LRFN2: variants seen among roughly 807,000 people sequenced by gnomAD.
LRFN2 encodes leucine rich repeat and fibronectin type III domain containing 2.
A neutral mutation model predicts 37.3 loss-of-function variants in LRFN2; 18 were observed. That is an observed-to-expected ratio of 0.48 (90% CI 0.33 to 0.72). The LOEUF (loss-of-function observed/expected upper bound fraction) is 0.72, where lower values mean the gene tolerates loss of function less well. LRFN2 is among the 30% of genes least tolerant of loss of function. The probability of loss-of-function intolerance (pLI) is 0.02; values close to 1 mark genes in which losing one functional copy is unlikely to be tolerated. For synonymous variants in LRFN2, 556 were observed against 466.6 expected, an observed-to-expected ratio of 1.19 and a Z score of -2.47; for missense variants, 1,006 against 1,060.7, an observed-to-expected ratio of 0.95 and a Z score of 0.72.
chr6:40,464,074 G>A (rs937534962), intron 1 of LRFN2, among the ~76,000 whole-genome samples: 3 of 152,114 alleles, frequency 2.0e-5, no homozygotes, highest in African/African-American at 7.2e-5. Flanking sequence ...CCCCATTCTA[G>A]ACTGTGTTCC....
At chr6:40,580,171 C>T (rs1767371203) in intron 1 of LRFN2, among the ~76,000 whole-genome samples, 1 of 152,166 alleles carries the variant, frequency 6.6e-6, no homozygotes, top group Non-Finnish European at 1.5e-5. Context: ...AGAGGCAGTC[C>T]ACCCTTCTCC....
intron 1 of LRFN2, among the ~76,000 whole-genome samples, chr6:40,486,513 G>A (rs183564534): frequency 9.7e-4 from 147 of 152,284 alleles, no homozygotes; most frequent in African/African-American, 3.5e-3. Context: ...GATGGCAGGA[G>A]GGCATCTCAG....
intron 1 of LRFN2, among the ~76,000 whole-genome samples, chr6:40,479,464 C>T (rs1288699621): frequency 6.6e-6 from 1 of 152,142 alleles, no homozygotes; most frequent in Non-Finnish European, 1.5e-5. Flanking sequence ...GTTTCCTTAT[C>T]AGTAAAATGG....
intron 2 of LRFN2, among the ~76,000 whole-genome samples, chr6:40,424,446 C>T (rs1379290572): frequency 6.6e-6 from 1 of 152,186 alleles, no homozygotes; most frequent in East Asian, 1.9e-4. Context: ...TAGAAGACTA[C>T]ATTTCTTAGT....
chr6:40,520,209 C>T lies in LRFN2; in HGVS notation c.-19+66732G>A, dbSNP rs566135591. Among the ~76,000 whole-genome samples the T allele has an allele frequency of 1.1e-4, 16 of 152,198 alleles. No homozygotes were observed. The South Asian group carries it at 2.7e-3, about 26-fold the overall frequency. ...CAACCATGAGAACTGTAGCAGGAAACAGGAAGCCCAGCCCGAGAGGAGATG... is the reference window on the plus strand; with the variant it reads ...CAACCATGAGAACTGTAGCAGGAAATAGGAAGCCCAGCCCGAGAGGAGATG... On this transcript the variant is annotated intron_variant, in intron 1 of 2. Transcript: ENST00000338305.
rs185599064 is a variant in LRFN2, at chr6:40,477,132, T to A, written c.-18-44001A>T. Among the ~76,000 whole-genome samples the A allele has an allele frequency of 2.3e-3, 344 of 152,302 alleles. 1 individual carries two copies. The highest frequency in any genetic ancestry group is 7.8e-3 in the African/African-American group (324 of 41,544). On this transcript the variant is annotated intron_variant, in intron 1 of 2. Coordinates refer to ENST00000338305, the MANE Select transcript of LRFN2 (RefSeq NM_020737.3). ...CCTGGCTTCCAGCAGATCAATTACA[T>A]CGGGATTTCTGGGAATGGGACCCAG...
intron 2 of LRFN2, among the ~76,000 whole-genome samples, chr6:40,393,179 G>A (rs1223387385): frequency 1.3e-5 from 2 of 151,844 alleles, no homozygotes; most frequent in Admixed American, 6.6e-5. Context: ...ATAGGGCATA[G>A]GGAATAGAGA....
Position 40,431,696 on chromosome 6 carries a change from C to A in LRFN2, c.1400+18G>T. 6.6e-7 allele frequency: 1 copy of A among 1,504,138 alleles called. No homozygotes were observed. 93.2% of individuals were successfully genotyped at this position (1,504,138 alleles called of 1,614,324 possible). ...CAGCCAGACACCCTCCCTGCCTTTG[C>A]CACAGCCGCTTGCTCACCTGTAAAT... On this transcript the variant is annotated intron_variant, in intron 2 of 2. Transcript: ENST00000338305.
chr6:40,463,670 A>ATTTTTTTTTTTTTTTTTTTT (rs66745321), intron 1 of LRFN2, among the ~76,000 whole-genome samples: 2 of 76,526 alleles, frequency 2.6e-5, no homozygotes, highest in Non-Finnish European at 2.4e-5. Flanking sequence ...CTTTCTTTCT[A>ATTTTTTTTTTTTTTTTTTTT]TTTTTTTTTT....
chr6:40,462,896 T>C (rs1473398653), intron 1 of LRFN2, among the ~76,000 whole-genome samples: 1 of 152,110 alleles, frequency 6.6e-6, no homozygotes, highest in Non-Finnish European at 1.5e-5. Context: ...GGAGATGGCT[T>C]CCAGAAAAAA....
chr6:40,432,251 G>T lies in LRFN2; in HGVS notation c.863C>A (p.Pro288Gln), dbSNP rs139051937. The T allele has an allele frequency of 1.9e-6, 3 of 1,613,980 alleles. No individual in the cohort carries two copies. The highest frequency in any genetic ancestry group is 2.5e-6 in the Non-Finnish European group (3 of 1,180,028). The change falls in exon 2 of 3, where the codon CCG becomes CAG. Residue 288 changes from proline to glutamine, a missense_variant. Physicochemically the swap from Pro to Gln is moderately conservative, Grantham distance 76. Around this residue, in one of 4 missense-constraint regions of LRFN2, gnomAD observed 303 missense variants for 299.8 expected, o/e 1.01. Transcript: ENST00000338305. ...GTGTGTGTGCTGGGTGATGAGAGGC[G>T]GCTCGCACACAAACTCCTCCTCACG... ...HVREEEFVCE[P>Q]PLITQHTHKL...
intron 1 of LRFN2, among the ~76,000 whole-genome samples, chr6:40,519,554 T>C (rs576549847): frequency 1.3e-5 from 2 of 152,328 alleles, no homozygotes; most frequent in South Asian, 4.1e-4. Context: ...GTGCCTCCAC[T>C]ATGGCCATGA....
intron 1 of LRFN2, among the ~76,000 whole-genome samples, chr6:40,498,644 C>T (rs573632577): frequency 9.2e-5 from 14 of 152,344 alleles, no homozygotes; most frequent in South Asian, 8.3e-4. Context: ...ACTCAGCTCA[C>T]GCCCAGCCCA....
At chr6:40,478,539 G>T (rs536490647) in intron 1 of LRFN2, among the ~76,000 whole-genome samples, 1 of 152,318 alleles carries the variant, frequency 6.6e-6, no homozygotes, top group South Asian at 2.1e-4. Context: ...CAGCAGTGAG[G>T]AAATAATCCA....
At chr6:40,584,463 C>A (rs1205638134) in intron 1 of LRFN2, among the ~76,000 whole-genome samples, 1 of 152,180 alleles carries the variant, frequency 6.6e-6, no homozygotes, top group Non-Finnish European at 1.5e-5. Flanking sequence ...TAAAACTCCA[C>A]CCCTACCCAA....
intron 2 of LRFN2, among the ~76,000 whole-genome samples, chr6:40,396,777 A>T (rs887432662): frequency 3.4e-5 from 5 of 149,098 alleles, no homozygotes; most frequent in Non-Finnish European, 7.4e-5. Flanking sequence ...CGGTAGGAGG[A>T]GTTGGGGTGA....
intron 1 of LRFN2, among the ~76,000 whole-genome samples, chr6:40,534,386 C>T (rs1237661513): frequency 2.6e-5 from 4 of 152,044 alleles, no homozygotes; most frequent in Non-Finnish European, 4.4e-5. Context: ...AAGAGGGCTC[C>T]CCAGACCCTG....
chr6:40,555,720 C>G (rs893331222), intron 1 of LRFN2, among the ~76,000 whole-genome samples: 1 of 152,106 alleles, frequency 6.6e-6, no homozygotes, highest in Non-Finnish European at 1.5e-5. Flanking sequence ...GTTCCCCAGC[C>G]CTGCCCCCAC....
At chr6:40,575,533 T>C (rs932972348) in intron 1 of LRFN2, among the ~76,000 whole-genome samples, 1 of 152,176 alleles carries the variant, frequency 6.6e-6, no homozygotes, top group African/African-American at 2.4e-5. Context: ...ATTGGGGCCC[T>C]AACCATCTGT....
Sources: gnomAD v4.1 joint callset for allele counts (sites outside exome capture counted in the v4.1 genomes callset) on GRCh38, gnomAD v4.1.1 for gene constraint, gnomAD v4.1.1 regional missense constraint, MANE v1.5 for transcripts, NCBI Gene and HGNC (gene_info 2026-07-23, HGNC 2026-07-21) for gene names.